ADCY5: variants seen among roughly 807,000 people sequenced by gnomAD.
ADCY5 encodes the protein adenylate cyclase 5.
Under a neutral mutation model 119.7 loss-of-function variants are expected in ADCY5, and 30 were observed. The observed-to-expected ratio is 0.25, with a 90% confidence interval of 0.19 to 0.34. The LOEUF (loss-of-function observed/expected upper bound fraction) is 0.34, where lower values mean the gene tolerates loss of function less well. Among genes scored for constraint, ADCY5 ranks in the 10% least tolerant of loss-of-function variants. The pLI is 1.00. For missense variants in ADCY5, 1,324 were observed against 1,775.2 expected (o/e 0.75, Z 4.57); for synonymous variants, 753 against 762.2 (o/e 0.99, Z 0.20).
chr3:123,335,252 G>A (rs1174203544), intron 3 of ADCY5, among the ~76,000 whole-genome samples: 1 of 152,042 alleles, frequency 6.6e-6, no homozygotes, highest in Non-Finnish European at 1.5e-5. Context: ...CTGCTCCCTC[G>A]GCCTCCTGAC....
At position 123,359,331 on chromosome 3, in the gene ADCY5, A is replaced by AATATATATATATATATATATATAT. The variant is rs57105101; in HGVS notation, c.1135-6774_1135-6751dup. 6.2e-3 allele frequency among the ~76,000 whole-genome samples: 675 copies of AATATATATATATATATATATATAT among 109,492 alleles called. 9 individuals carry two copies. The highest frequency in any genetic ancestry group is 0.011 in the Middle Eastern group (2 of 184). 71.8% of individuals were successfully genotyped at this position (109,492 alleles called of 152,430 possible). ...AATATTTGGGACCTACTTATACTAA[A>AATATATATATATATATATATATAT]ATATATATATATATATATATATATA... On this transcript the variant is annotated intron_variant, in intron 1 of 20. Transcript: ENST00000462833.
Position 123,325,364 on chromosome 3 carries a change from G to A in ADCY5, c.2046C>T (p.Asn682=). 1.2e-6 allele frequency: 2 copies of A among 1,614,154 alleles called. No individual in the cohort carries two copies. Among genetic ancestry groups the A allele is most frequent in the Non-Finnish European group, 1.7e-6 (2 of 1,180,024 alleles). ...PHWGAERPFY[N]HLGGNQVSKE... ...TGGACACCTGGTTGCCACCCAGGTG[G>A]TTGTAGAAGGGGCGCTCAGCCCCCC... Residue 682 remains asparagine (N), a synonymous_variant, in exon 8 of 21, where the codon AAC becomes AAT. Transcript: ENST00000462833.
At chr3:123,285,168 G>T (rs968438854) in intron 20 of ADCY5, among the ~76,000 whole-genome samples, 17 of 152,150 alleles carry the variant, frequency 1.1e-4, no homozygotes, top group Admixed American at 1.1e-3. Flanking sequence ...AGATCAGAAC[G>T]ATTTTTAAAA....
At chr3:123,446,327 C>G (rs768058816) in intron 1 of ADCY5, among the ~76,000 whole-genome samples, 2 of 152,110 alleles carry the variant, frequency 1.3e-5, no homozygotes, top group Non-Finnish European at 2.9e-5. Context: ...AATGGAAAAC[C>G]CTTAAGAGGT....
intron 13 of ADCY5, 74 bp from the exon 14 acceptor site, chr3:123,303,293 G>C: frequency 1.3e-6 from 2 of 1,491,736 alleles, no homozygotes; most frequent in Non-Finnish European, 1.8e-6. Context: ...AGCCCACCAG[G>C]CCGCAGGCTC....
chr3:123,419,059 G>T, intron 1 of ADCY5: 2 of 799,498 alleles, frequency 2.5e-6, no homozygotes, highest in South Asian at 5.7e-5. Flanking sequence ...CTCCGTAACG[G>T]CATGAGCCAA....
chr3:123,399,231 T>C (rs75722467), intron 1 of ADCY5, among the ~76,000 whole-genome samples: 1 of 152,380 alleles, frequency 6.6e-6, no homozygotes, highest in East Asian at 1.9e-4. Flanking sequence ...ATTTTTCATA[T>C]TGGTTACCTG....
At chr3:123,353,640 G>T (rs1264762093) in intron 1 of ADCY5, among the ~76,000 whole-genome samples, 1 of 152,192 alleles carries the variant, frequency 6.6e-6, no homozygotes, top group African/African-American at 2.4e-5. Flanking sequence ...GCCCTCAGGA[G>T]GCCTGTGTTA....
intron 1 of ADCY5, among the ~76,000 whole-genome samples, chr3:123,393,437 G>C (rs1347358044): frequency 6.6e-6 from 1 of 152,022 alleles, no homozygotes; most frequent in East Asian, 1.9e-4. Flanking sequence ...AATGCCTGTA[G>C]CCTTAGTTAC....
chr3:123,433,796 G>A (rs1374725518), intron 1 of ADCY5, among the ~76,000 whole-genome samples: 3 of 152,106 alleles, frequency 2.0e-5, no homozygotes, highest in South Asian at 2.1e-4. Flanking sequence ...ACCAGAAGAC[G>A]GGCTGTGCGG....
intron 1 of ADCY5, among the ~76,000 whole-genome samples, chr3:123,424,776 A>ACGCACGCGCGCATGTCAGCATGCC (rs1479444638): frequency 1.3e-5 from 2 of 152,124 alleles, no homozygotes; most frequent in Non-Finnish European, 2.9e-5. Flanking sequence ...GCGCGCATGC[A>ACGCACGCGCGCATGTCAGCATGCC]CGCACGCGCG....
chr3:123,396,384 AG>A (rs1164019586), intron 1 of ADCY5, among the ~76,000 whole-genome samples: 1 of 134,264 alleles, frequency 7.4e-6, no homozygotes, highest in African/African-American at 2.8e-5. Flanking sequence ...GAAGGAAGGG[AG>A]GGAAAGAGAG....
chr3:123,348,071 A>C (rs11709978), intron 2 of ADCY5, among the ~76,000 whole-genome samples, 168 bp from the exon 3 acceptor site: 5 of 50,236 alleles, frequency 1.0e-4, no homozygotes, highest in African/African-American at 4.5e-4. Flanking sequence ...GTGTCTGTGC[A>C]TGTGTGTGTA....
At chr3:123,388,000 G>T (rs1206319686) in intron 1 of ADCY5, among the ~76,000 whole-genome samples, 5 of 152,196 alleles carry the variant, frequency 3.3e-5, no homozygotes, top group African/African-American at 1.2e-4. Context: ...AGTAGCAAAG[G>T]GGGACAAGAC....
intron 7 of ADCY5, 107 bp downstream of exon 7, chr3:123,327,511 G>A (rs746549746): frequency 8.1e-7 from 1 of 1,236,540 alleles, no homozygotes; most frequent in Non-Finnish European, 1.1e-6. Flanking sequence ...AACTGCATAA[G>A]AAATTCATGA....
chr3:123,323,784 C>G (rs553079004), intron 8 of ADCY5, among the ~76,000 whole-genome samples: 1 of 152,158 alleles, frequency 6.6e-6, no homozygotes, highest in Non-Finnish European at 1.5e-5. Flanking sequence ...CTCAGCCTCC[C>G]GAGTAGCTAG....
chr3:123,371,132 T>G (rs1943625784), intron 1 of ADCY5, among the ~76,000 whole-genome samples: 1 of 152,174 alleles, frequency 6.6e-6, no homozygotes, highest in Non-Finnish European at 1.5e-5. Flanking sequence ...GAGTGAGCTC[T>G]GCAGTATCTC....
chr3:123,293,092 C>T (rs989145916), intron 17 of ADCY5, among the ~76,000 whole-genome samples: 28 of 152,234 alleles, frequency 1.8e-4, no homozygotes, highest in Admixed American at 4.6e-4. Context: ...TCTGGGGCTG[C>T]GCCCTGGCAG....
rs911485957 is a variant in ADCY5, at chr3:123,291,028, C to T, written c.3327+85G>A. 31 of 1,479,508 alleles carry T rather than the reference C, an allele frequency of 2.1e-5. No individual in the cohort carries two copies. In the East Asian group the frequency reaches 4.3e-4, roughly 21 times the overall value. The allele number at this position is 1,479,508 out of a possible 1,614,324, so 91.6% of individuals were successfully genotyped here. On this transcript the variant is annotated intron_variant, in intron 18 of 20. Coordinates refer to ENST00000462833, the MANE Select transcript of ADCY5 (RefSeq NM_183357.3). ...CTTATGTCACGATGGTAGAAGGGGGCGCCAGGTCTCTTCACATCCCTCCCA... is the reference window on the plus strand; with the variant it reads ...CTTATGTCACGATGGTAGAAGGGGGTGCCAGGTCTCTTCACATCCCTCCCA...
Sources: allele counts gnomAD v4.1 joint callset (sites outside exome capture counted in the v4.1 genomes callset), GRCh38; gene constraint gnomAD v4.1.1; transcripts MANE v1.5; gene names NCBI Gene and HGNC (gene_info 2026-07-23, HGNC 2026-07-21).